RNF220: variants seen among roughly 807,000 people sequenced by gnomAD.
RNF220 encodes ring finger protein 220, also known as E3 ubiquitin-protein ligase RNF220.
Under a neutral mutation model 67.1 loss-of-function variants are expected in RNF220, and 7 were observed. The observed-to-expected ratio is 0.10, with a 90% CI of 0.06 to 0.20. The LOEUF is 0.20. RNF220 is among the 10% of genes least tolerant of loss of function. The probability of loss-of-function intolerance (pLI) is 1.00; values close to 1 mark genes in which losing one functional copy is unlikely to be tolerated. For missense variants in RNF220, 565 were observed against 740.3 expected, an observed-to-expected ratio of 0.76 and a Z score of 2.75; for synonymous variants, 270 against 283.2, an observed-to-expected ratio of 0.95 and a Z score of 0.47.
intron 2 of RNF220, among the ~76,000 whole-genome samples, chr1:44,445,360 A>G (rs1651965587): frequency 6.6e-6 from 1 of 152,188 alleles, no homozygotes; most frequent in Non-Finnish European, 1.5e-5. Context: ...CAGAGTTCTA[A>G]GAGAAACCCT....
chr1:44,551,119 CTTTTTTT>C (rs386366846), intron 2 of RNF220, among the ~76,000 whole-genome samples: 1 of 97,498 alleles, frequency 1.0e-5, no homozygotes, highest in Non-Finnish European at 1.9e-5. Flanking sequence ...CACTTCTTGC[CTTTTTTT>C]TTTTTTTTTT....
chr1:44,650,158 C>A lies in RNF220; in HGVS notation c.1629+201C>A, dbSNP rs1410962411. 3.3e-6 allele frequency: 2 copies of A among 614,758 alleles called. No individual in the cohort carries two copies. Among genetic ancestry groups the A allele is most frequent in the African/African-American group, 1.8e-5 (1 of 54,168 alleles). 38.1% of individuals were successfully genotyped at this position (614,758 alleles called of 1,614,324 possible). ...CCCAACTGCAGGTTTAGGAACTTCT[C>A]CCCCTCCATGAGTTCACTGCATTCT... On this transcript the variant is annotated intron_variant, in intron 14 of 14. Coordinates refer to ENST00000361799, the MANE Select transcript of RNF220 (RefSeq NM_018150.4). The surrounding 1 kb of genome is among the most constrained non-coding windows in gnomAD (Gnocchi z 4.3).
intron 2 of RNF220, among the ~76,000 whole-genome samples, chr1:44,595,136 C>T (rs1291784009): frequency 3.3e-5 from 5 of 152,156 alleles, no homozygotes; most frequent in Non-Finnish European, 5.9e-5. Context: ...TCAGAATCTG[C>T]GTTTTAGATT....
rs1644774178 is a variant in RNF220, at chr1:44,650,918, A to C, written c.*143A>C. On this transcript the variant is annotated 3_prime_UTR_variant, in exon 15 of 15. Transcript: ENST00000361799. This position sits in a 1 kb window ranked among gnomAD's most constrained non-coding sequence, Gnocchi z 4.3. ...CATACTCAAACATGCGTACACACAC[A>C]CACATTTACACACGCAGGACTCTGG... 2 of 703,080 alleles carry C rather than the reference A, an allele frequency of 2.8e-6. No individual in the cohort carries two copies. 43.6% of individuals were successfully genotyped at this position (703,080 alleles called of 1,614,324 possible). A position where few individuals can be genotyped will look rare whatever the true frequency, so the allele number is the denominator to read the frequency against.
chr1:44,650,932 G>A lies in RNF220; in HGVS notation c.*157G>A, dbSNP rs546189562. 9 of 676,070 alleles carry A rather than the reference G, an allele frequency of 1.3e-5. No individual in the cohort carries two copies. The East Asian group carries it at 1.7e-4, about 13-fold the overall frequency. The allele number at this position is 676,070 out of a possible 1,614,324, so 41.9% of individuals were successfully genotyped here. On this transcript the variant is annotated 3_prime_UTR_variant, in exon 15 of 15. Coordinates refer to ENST00000361799, the MANE Select transcript of RNF220 (RefSeq NM_018150.4). This position sits in a 1 kb window ranked among gnomAD's most constrained non-coding sequence, Gnocchi z 4.3. ...CGTACACACACACACATTTACACAC[G>A]CAGGACTCTGGAGCCAGAGTAGAGG...
intron 2 of RNF220, among the ~76,000 whole-genome samples, chr1:44,426,931 C>G (rs763798757): frequency 6.6e-6 from 1 of 152,048 alleles, no homozygotes; most frequent in Non-Finnish European, 1.5e-5. Context: ...TTAAACTAAC[C>G]AAGCCAGATG....
intron 12 of RNF220, chr1:44,648,941 C>G (rs1644718771): frequency 6.5e-6 from 1 of 153,504 alleles, no homozygotes; most frequent in Admixed American, 6.5e-5. Context: ...GCTCAGGGGT[C>G]TGGAAAAGGC....
intron 2 of RNF220, among the ~76,000 whole-genome samples, chr1:44,467,175 C>T (rs1368645779): frequency 6.6e-6 from 1 of 152,170 alleles, no homozygotes; most frequent in Non-Finnish European, 1.5e-5. Context: ...TTTCCTTAAA[C>T]GTCATGAGGC....
chr1:44,455,712 A>G (rs1340649), intron 2 of RNF220, among the ~76,000 whole-genome samples: 81,346 of 152,030 alleles, frequency 0.54, 22,880 homozygotes, highest in Admixed American at 0.64. Context: ...AAACTGATCT[A>G]ATGGTCTGGA....
At chr1:44,499,032 A>G (rs144325744) in intron 2 of RNF220, among the ~76,000 whole-genome samples, 64 of 152,118 alleles carry the variant, frequency 4.2e-4, no homozygotes, top group African/African-American at 1.4e-3. Flanking sequence ...CCAACTGCCA[A>G]TTTACTCCTG....
At chr1:44,456,769 G>A (rs542055625) in intron 2 of RNF220, among the ~76,000 whole-genome samples, 5 of 152,188 alleles carry the variant, frequency 3.3e-5, no homozygotes, top group Admixed American at 6.5e-5. Context: ...GATGAAGATC[G>A]AACTTATATT....
chr1:44,469,363 G>A (rs1050734907), intron 2 of RNF220, among the ~76,000 whole-genome samples: 3 of 152,126 alleles, frequency 2.0e-5, no homozygotes, highest in African/African-American at 7.2e-5. Flanking sequence ...CAGTGGAGGT[G>A]TATAGATAAG....
chr1:44,557,602 A>G (rs974885546), intron 2 of RNF220, among the ~76,000 whole-genome samples: 2 of 152,220 alleles, frequency 1.3e-5, no homozygotes, highest in African/African-American at 4.8e-5. Context: ...AAACTGATTA[A>G]GGGATGTACA....
At chr1:44,455,600 G>C (rs1653098803) in intron 2 of RNF220, among the ~76,000 whole-genome samples, 1 of 152,138 alleles carries the variant, frequency 6.6e-6, no homozygotes, top group South Asian at 2.1e-4. Context: ...TAGGTTATAA[G>C]AAACAAGTTT....
At position 44,643,980 on chromosome 1, in the gene RNF220, G is replaced by C. The variant is rs117726442; in HGVS notation, c.1127-718G>C. The C allele has an allele frequency of 3.6e-3, 557 of 153,154 alleles. 5 individuals carry two copies. Among genetic ancestry groups the C allele is most frequent in the African/African-American group, 0.012 (494 of 41,596 alleles). The allele number at this position is 153,154 out of a possible 1,614,324, so 9.5% of individuals were successfully genotyped here. On this transcript the variant is annotated intron_variant, in intron 8 of 14. Transcript: ENST00000361799. Reference sequence around the variant, plus strand: ...TGCACCTCAGGGGTCAGCCACTTGCGTGGCCCATGGCCTGGCCTCCGCTCA... The same window carrying C: ...TGCACCTCAGGGGTCAGCCACTTGCCTGGCCCATGGCCTGGCCTCCGCTCA...
chr1:44,607,135 G>T (rs777398343), intron 2 of RNF220, among the ~76,000 whole-genome samples: 2 of 152,188 alleles, frequency 1.3e-5, no homozygotes, highest in Non-Finnish European at 2.9e-5. Flanking sequence ...CGTCATGCTA[G>T]AGCAAGCCGC....
rs1478429114 is a variant in RNF220, at chr1:44,412,515, A to C, written c.418A>C (p.Lys140Gln). ...CTATCAGTCAGCCTTTACGCCGGCCAAGCGACTTAAGAACTGCCATGACAC... is the reference window on the plus strand; with the variant it reads ...CTATCAGTCAGCCTTTACGCCGGCCCAGCGACTTAAGAACTGCCATGACAC... Reference protein sequence around the residue: ...ESYQSAFTPAKRLKNCHDTES... With the variant: ...ESYQSAFTPAQRLKNCHDTES... Residue 140 changes from lysine (K) to glutamine (Q), a missense_variant, in exon 2 of 15, where the codon AAG becomes CAG. Physicochemically the swap from Lys to Gln is moderately conservative, Grantham distance 53. Transcript: ENST00000361799. This position sits in a 1 kb window ranked among gnomAD's most constrained non-coding sequence, Gnocchi z 5.3. 6.2e-7 allele frequency: 1 copy of C among 1,613,832 alleles called. No homozygotes were observed. The highest frequency in any genetic ancestry group is 1.3e-5 in the African/African-American group (1 of 74,898).
intron 2 of RNF220, among the ~76,000 whole-genome samples, chr1:44,543,740 G>T (rs532767163): frequency 6.6e-6 from 1 of 152,242 alleles, no homozygotes; most frequent in East Asian, 1.9e-4. Flanking sequence ...GACTTCAGGA[G>T]TCAATCCCAG....
intron 2 of RNF220, among the ~76,000 whole-genome samples, chr1:44,583,349 T>C (rs974622727): frequency 6.6e-6 from 1 of 152,170 alleles, no homozygotes; most frequent in African/African-American, 2.4e-5. Context: ...GCCCTTGGCT[T>C]CTCGCAAAGT....
Sources: allele counts gnomAD v4.1 joint callset (sites outside exome capture counted in the v4.1 genomes callset), GRCh38; gene constraint gnomAD v4.1.1; non-coding constraint Gnocchi (gnomAD v3.1); transcripts MANE v1.5; gene names NCBI Gene and HGNC (gene_info 2026-07-23, HGNC 2026-07-21).